IDO2: variants seen among roughly 807,000 people sequenced by gnomAD.
IDO2 encodes indoleamine 2,3-dioxygenase-like 1 protein.
In IDO2, 46 loss-of-function variants were observed where a neutral mutation model predicts 45.1. The ratio of observed to expected loss-of-function variants is 1.02; its 90% CI spans 0.80 to 1.30. The LOEUF is 1.30. Among genes scored for constraint, IDO2 ranks in the 50% most tolerant of loss-of-function variants. The pLI, the probability that IDO2 is intolerant of heterozygous loss-of-function variation, is 0.00. For missense variants in IDO2, 544 were observed against 491.8 expected (o/e 1.11, Z -1.00); for synonymous variants, 218 against 184.9 (o/e 1.18, Z -1.45).
Position 39,986,745 on chromosome 8 carries a change from A to G in IDO2, c.450-1126A>G, listed in dbSNP as rs978723919. Reference sequence around the variant, plus strand: ...GGAATTTGGCCCTGTGTTCCCACCCATATCTCATGTCAAATTGTAACCCCC... The same window carrying G: ...GGAATTTGGCCCTGTGTTCCCACCCGTATCTCATGTCAAATTGTAACCCCC... On this transcript the variant is annotated intron_variant, in intron 6 of 10. Coordinates refer to ENST00000502986, the Ensembl canonical transcript of IDO2. Among the ~76,000 whole-genome samples the G allele has an allele frequency of 1.6e-4, 24 of 152,032 alleles. 1 individual carries two copies. The highest frequency in any genetic ancestry group is 5.3e-4 in the African/African-American group (22 of 41,384).
chr8:39,987,887 A>G (rs1468239864), exon 7 of IDO2: 2 of 1,608,696 alleles, frequency 1.2e-6, no homozygotes, highest in East Asian at 2.2e-5. Flanking sequence ...GGAGACCATC[A>G]TCTCATTTCC....
At chr8:39,979,020 C>A (rs1182193256) in intron 3 of IDO2, 47 bp from the exon 4 acceptor site, 1 of 1,550,088 alleles carries the variant, frequency 6.5e-7, no homozygotes, top group South Asian at 1.2e-5. Flanking sequence ...CCTCCCCTGT[C>A]CCGGTTCCCA....
intron 2 of IDO2, among the ~76,000 whole-genome samples, chr8:39,959,541 G>A (rs1360647022): frequency 2.4e-5 from 1 of 40,834 alleles, no homozygotes; most frequent in African/African-American, 5.7e-5. Flanking sequence ...ATAAACTTTG[G>A]CTGGGCACAG....
At chr8:39,985,207 G>A (rs1808406245) in intron 5 of IDO2, 2 of 419,850 alleles carry the variant, frequency 4.8e-6, no homozygotes, top group African/African-American at 2.0e-5. Context: ...AGGATTACAG[G>A]CATGAGCCAC....
intron 4 of IDO2, among the ~76,000 whole-genome samples, chr8:39,981,793 A>G (rs1808357043): frequency 6.6e-6 from 1 of 152,122 alleles, no homozygotes; most frequent in Non-Finnish European, 1.5e-5. Flanking sequence ...GAAAATGGAG[A>G]TGGAAGAGGG....
chr8:39,954,495 T>C (rs1807859192), intron 2 of IDO2, among the ~76,000 whole-genome samples: 1 of 152,134 alleles, frequency 6.6e-6, no homozygotes, highest in African/African-American at 2.4e-5. Context: ...AAGTTGATTT[T>C]CTCACAGTTC....
chr8:39,965,841 A>G (rs1160056405), intron 3 of IDO2, among the ~76,000 whole-genome samples: 1 of 152,040 alleles, frequency 6.6e-6, no homozygotes, highest in Non-Finnish European at 1.5e-5. Context: ...ACAGAATGGA[A>G]CAAATTCTCC....
chr8:39,988,716 C>A (rs1296129251), intron 7 of IDO2, among the ~76,000 whole-genome samples: 1 of 152,120 alleles, frequency 6.6e-6, no homozygotes, highest in African/African-American at 2.4e-5. Flanking sequence ...CCTGCCCAGC[C>A]AACACTACCT....
intron 2 of IDO2, among the ~76,000 whole-genome samples, chr8:39,958,330 TTCA>T (rs1401512376): frequency 9.0e-6 from 1 of 111,692 alleles, no homozygotes; most frequent in Non-Finnish European, 2.0e-5. Context: ...GCCTCCCAGG[TTCA>T]GGCGATTCTC....
chr8:39,948,546 G>C (rs957015297), intron 1 of IDO2, among the ~76,000 whole-genome samples: 1 of 152,132 alleles, frequency 6.6e-6, no homozygotes, highest in African/African-American at 2.4e-5. Context: ...CTCCAGGAGC[G>C]CTTACTTATA....
chr8:39,954,185 T>C (rs1442238397), intron 2 of IDO2, among the ~76,000 whole-genome samples: 3 of 152,194 alleles, frequency 2.0e-5, no homozygotes, highest in African/African-American at 7.2e-5. Context: ...CTAGACATTA[T>C]ATTCTAGTCC....
intron 2 of IDO2, among the ~76,000 whole-genome samples, chr8:39,950,928 A>T (rs1401007932): frequency 6.6e-6 from 1 of 152,148 alleles, no homozygotes; most frequent in Non-Finnish European, 1.5e-5. Flanking sequence ...TAGCAATCTT[A>T]TAGTAAGAAA....
intron 1 of IDO2, among the ~76,000 whole-genome samples, chr8:39,946,231 G>A (rs181215089): frequency 5.9e-5 from 9 of 152,284 alleles, no homozygotes; most frequent in Admixed American, 4.6e-4. Context: ...AGCACAAGAA[G>A]AGAGCTTTGA....
intron 3 of IDO2, among the ~76,000 whole-genome samples, chr8:39,977,751 C>T (rs1360534192): frequency 6.6e-6 from 1 of 152,200 alleles, no homozygotes; most frequent in Non-Finnish European, 1.5e-5. Flanking sequence ...TGTGCCTCCC[C>T]TGCAAGCCTA....
intron 4 of IDO2, among the ~76,000 whole-genome samples, chr8:39,979,729 G>A (rs1358911430): frequency 2.0e-5 from 3 of 152,164 alleles, no homozygotes; most frequent in African/African-American, 7.2e-5. Flanking sequence ...TAAACTGGTA[G>A]CTATTTCTTC....
At chr8:39,980,503 TCTTTTA>T (rs1808326607) in intron 4 of IDO2, among the ~76,000 whole-genome samples, 1 of 152,160 alleles carries the variant, frequency 6.6e-6, no homozygotes. Flanking sequence ...ACCCACAGTG[TCTTTTA>T]CTTTTATTTT....
At chr8:39,939,510 G>A (rs1807610024) in intron 1 of IDO2, among the ~76,000 whole-genome samples, 1 of 118,628 alleles carries the variant, frequency 8.4e-6, no homozygotes, top group Non-Finnish European at 1.6e-5. Context: ...TCGCACCACT[G>A]TACTCCAGCC....
At chr8:40,013,856 C>T in intron 10 of IDO2, 143 bp downstream of exon 10, 1 of 614,212 alleles carries the variant, frequency 1.6e-6, no homozygotes, top group South Asian at 3.0e-5. Context: ...AACTGCATGA[C>T]TGCCAATGTT....
chr8:39,985,804 A>G lies in IDO2; in HGVS notation c.449+282A>G, dbSNP rs2729473. ...TGCAATGCAAACAAAACAAAATGAA[A>G]CTTTATCAAATTTCAGTAACTCCTT... On this transcript the variant is annotated intron_variant, in intron 6 of 10. Transcript: ENST00000502986. The G allele has an allele frequency of 3.9e-3, 1,293 of 327,698 alleles. 16 individuals are homozygous for G. Among genetic ancestry groups the G allele is most frequent in the African/African-American group, 0.026 (1,193 of 46,288 alleles). 20.3% of individuals were successfully genotyped at this position (327,698 alleles called of 1,614,324 possible).
Sources: allele counts gnomAD v4.1 joint callset (sites outside exome capture counted in the v4.1 genomes callset), GRCh38; gene constraint gnomAD v4.1.1; transcripts MANE v1.5; gene names NCBI Gene and HGNC (gene_info 2026-07-23, HGNC 2026-07-21).